The following GLRA2 variants were observed in gnomAD, a reference collection of about 807,000 sequenced individuals.
GLRA2 encodes the protein glycine receptor subunit alpha-2.
A neutral mutation model predicts 31.6 loss-of-function variants in GLRA2; 11 were observed. The observed-to-expected ratio is 0.35, with a 90% CI of 0.22 to 0.58. The LOEUF (loss-of-function observed/expected upper bound fraction) is 0.58, where lower values mean the gene tolerates loss of function less well. Ranked by LOEUF, GLRA2 falls within the 20% of genes least tolerant of loss-of-function variation. The pLI is 0.84. For missense variants in GLRA2, 212 were observed against 351.8 expected (o/e 0.60, Z 3.18); for synonymous variants, 132 against 134.0 (o/e 0.99, Z 0.10).
chrX:14,458,829 T>C, the GLRA2 span, among the ~76,000 whole-genome samples: 1 of 111,973 alleles, frequency 8.9e-6, no homozygotes, highest in East Asian at 2.8e-4. Context: ...GGTTGCCTGT[T>C]CACTCTGATG....
intron 3 of GLRA2, among the ~76,000 whole-genome samples, chrX:14,578,105 G>A (rs1045357787): frequency 1.3e-4 from 14 of 111,909 alleles, no homozygotes; most frequent in African/African-American, 4.5e-4. Context: ...TTCTAAACCT[G>A]TTGACTTTCC....
At chrX:14,649,031 C>T (rs371492801) in intron 7 of GLRA2, among the ~76,000 whole-genome samples, 44 of 110,753 alleles carry the variant, frequency 4.0e-4, no homozygotes, top group African/African-American at 1.3e-3. Context: ...CTGGCCAACA[C>T]GGTGAAACCC....
At chrX:14,594,833 C>G (rs1291597470) in intron 4 of GLRA2, among the ~76,000 whole-genome samples, 2 of 109,002 alleles carry the variant, frequency 1.8e-5, no homozygotes, top group Admixed American at 2.0e-4. Flanking sequence ...ATTTGGTAAA[C>G]ATGGACCTTC....
intron 7 of GLRA2, among the ~76,000 whole-genome samples, chrX:14,612,067 T>A (rs2090404633): frequency 9.0e-6 from 1 of 111,403 alleles, no homozygotes; most frequent in African/African-American, 3.3e-5. Flanking sequence ...CTAGAGTATG[T>A]CTCCCTTTCC....
intron 7 of GLRA2, among the ~76,000 whole-genome samples, chrX:14,669,487 C>T (rs1014260988): frequency 9.0e-6 from 1 of 111,429 alleles, no homozygotes; most frequent in African/African-American, 3.3e-5. Flanking sequence ...AGAACATCAA[C>T]CCTACAGCAA....
the GLRA2 span, among the ~76,000 whole-genome samples, chrX:14,485,880 C>T: frequency 8.9e-6 from 1 of 111,919 alleles, no homozygotes; most frequent in Non-Finnish European, 1.9e-5. Flanking sequence ...CCATTTTACT[C>T]CATGATCTAT....
intron 8 of GLRA2, among the ~76,000 whole-genome samples, chrX:14,712,046 G>GA (rs907197822): frequency 2.7e-5 from 3 of 112,603 alleles, no homozygotes; most frequent in African/African-American, 9.7e-5. Flanking sequence ...TGTTATTATA[G>GA]AAAAAAATGC....
chrX:14,619,804 C>T (rs927574325), intron 7 of GLRA2, among the ~76,000 whole-genome samples: 1 of 110,795 alleles, frequency 9.0e-6, no homozygotes, highest in African/African-American at 3.3e-5. Context: ...ATTATAAGCT[C>T]CATGAAGGCA....
intron 7 of GLRA2, among the ~76,000 whole-genome samples, chrX:14,610,962 C>A (rs1355013365): frequency 8.9e-6 from 1 of 111,944 alleles, no homozygotes. Flanking sequence ...AGAGTAAAAT[C>A]AAAAATCATT....
At chrX:14,531,020 A>C (rs1056135677) in intron 1 of GLRA2, 90 of 948,508 alleles carry the variant, frequency 9.5e-5, no homozygotes, top group Non-Finnish European at 1.2e-4. Context: ...ATACTGGGAA[A>C]ACCCACTATG....
At chrX:14,664,367 G>A (rs773600212) in intron 7 of GLRA2, among the ~76,000 whole-genome samples, 1 of 111,695 alleles carries the variant, frequency 9.0e-6, no homozygotes, top group South Asian at 3.7e-4. Flanking sequence ...TTTAATTTTT[G>A]AAGTTTATTG....
At chrX:14,546,429 T>A (rs1044434443) in intron 2 of GLRA2, among the ~76,000 whole-genome samples, 1 of 111,445 alleles carries the variant, frequency 9.0e-6, no homozygotes, top group Non-Finnish European at 1.9e-5. Flanking sequence ...ACAAAGTTTA[T>A]AACATGCAGG....
chrX:14,456,840 G>A, the GLRA2 span, among the ~76,000 whole-genome samples: 8 of 112,062 alleles, frequency 7.1e-5, no homozygotes, highest in East Asian at 1.1e-3. Context: ...TGTCTCTATA[G>A]TATATTAATT....
At chrX:14,489,327 T>C in the GLRA2 span, among the ~76,000 whole-genome samples, 1 of 111,336 alleles carries the variant, frequency 9.0e-6, no homozygotes, top group Non-Finnish European at 1.9e-5. Context: ...GAAACCTTGA[T>C]CTAAGTCATG....
the GLRA2 span, among the ~76,000 whole-genome samples, chrX:14,459,686 G>T: frequency 1.8e-5 from 2 of 111,636 alleles, no homozygotes; most frequent in Non-Finnish European, 3.8e-5. Context: ...TCTGTTATTG[G>T]TGTATAGGAA....
intron 2 of GLRA2, among the ~76,000 whole-genome samples, chrX:14,541,285 G>T (rs1019597856): frequency 1.8e-5 from 2 of 111,228 alleles, no homozygotes; most frequent in Non-Finnish European, 3.8e-5. Flanking sequence ...GGTTAAAAAG[G>T]CATGAAGACC....
chrX:14,458,921 G>T, the GLRA2 span, among the ~76,000 whole-genome samples: 1 of 111,434 alleles, frequency 9.0e-6, no homozygotes, highest in African/African-American at 3.3e-5. Flanking sequence ...CATTGCTTTT[G>T]GTGTTTTAGA....
intron 7 of GLRA2, among the ~76,000 whole-genome samples, chrX:14,639,536 G>C (rs1408934562): frequency 2.7e-5 from 3 of 112,151 alleles, no homozygotes; most frequent in Non-Finnish European, 5.6e-5. Context: ...TCTCTATTCA[G>C]TGACAATGCT....
chrX:14,666,416 T>C (rs918959890), intron 7 of GLRA2, among the ~76,000 whole-genome samples: 1 of 111,872 alleles, frequency 8.9e-6, no homozygotes, highest in Non-Finnish European at 1.9e-5. Flanking sequence ...GCAAGAATTG[T>C]AGCAGGAAAG....
Sources: allele counts gnomAD v4.1 joint callset (sites outside exome capture counted in the v4.1 genomes callset), GRCh38; gene constraint gnomAD v4.1.1; transcripts MANE v1.5; gene names NCBI Gene and HGNC (gene_info 2026-07-23, HGNC 2026-07-21).